BMP7: variants seen among roughly 807,000 people sequenced by gnomAD.
BMP7 encodes osteogenic protein 1.
BMP7 carries 12 observed loss-of-function variants against 41.2 expected under a neutral mutation model. The ratio of observed to expected loss-of-function variants is 0.29; its 90% CI spans 0.19 to 0.47. The LOEUF is 0.47. BMP7 is among the 20% of genes least tolerant of loss of function. The probability of loss-of-function intolerance (pLI) is 0.99; values close to 1 mark genes in which losing one functional copy is unlikely to be tolerated. For missense variants in BMP7, 467 were observed against 606.0 expected, an observed-to-expected ratio of 0.77 and a Z score of 2.41; for synonymous variants, 248 against 250.0, an observed-to-expected ratio of 0.99 and a Z score of 0.07.
intron 2 of BMP7, among the ~76,000 whole-genome samples, chr20:57,203,382 T>A (rs777046790): frequency 1.3e-4 from 20 of 151,952 alleles, no homozygotes; most frequent in Non-Finnish European, 2.4e-4. Flanking sequence ...GGTAGATGGG[T>A]AGGTGAGTGA....
chr20:57,208,247 G>A (rs181999478), intron 2 of BMP7, among the ~76,000 whole-genome samples: 58 of 152,294 alleles, frequency 3.8e-4, no homozygotes, highest in East Asian at 3.3e-3. Context: ...AAGCTAGCAC[G>A]CCACTGACTC....
chr20:57,210,115 C>T (rs1454970073), intron 2 of BMP7, among the ~76,000 whole-genome samples: 4 of 152,188 alleles, frequency 2.6e-5, no homozygotes, highest in African/African-American at 9.7e-5. Flanking sequence ...CCCCAAAAGT[C>T]GTCTTCTCTT....
intron 1 of BMP7, among the ~76,000 whole-genome samples, chr20:57,241,386 TGAGG>T (rs1186227162): frequency 6.6e-6 from 1 of 152,200 alleles, no homozygotes; most frequent in Non-Finnish European, 1.5e-5. Context: ...TGCCAGTCCT[TGAGG>T]GAGGGAGGCT....
intron 2 of BMP7, among the ~76,000 whole-genome samples, chr20:57,209,448 C>A (rs1176171894): frequency 6.6e-6 from 1 of 151,046 alleles, no homozygotes; most frequent in East Asian, 1.9e-4. Flanking sequence ...CTGTCTCAAA[C>A]AAAAAGAAAA....
At chr20:57,207,750 T>G (rs1009442683) in intron 2 of BMP7, among the ~76,000 whole-genome samples, 1 of 151,438 alleles carries the variant, frequency 6.6e-6, no homozygotes, top group Non-Finnish European at 1.5e-5. Flanking sequence ...GAAATGAAAA[T>G]TTTGATTTGC....
At chr20:57,249,431 A>G (rs116292562) in intron 1 of BMP7, among the ~76,000 whole-genome samples, 2,346 of 152,246 alleles carry the variant, frequency 0.015, 46 homozygotes, top group African/African-American at 0.054. Flanking sequence ...GAGATACTGC[A>G]TAACGAAACA....
chr20:57,211,593 G>T (rs1984885384), intron 2 of BMP7, among the ~76,000 whole-genome samples: 1 of 152,346 alleles, frequency 6.6e-6, no homozygotes, highest in African/African-American at 2.4e-5. Context: ...CAGATGTGAT[G>T]AAAGATTTTT....
At chr20:57,179,656 A>G (rs941022128) in intron 4 of BMP7, among the ~76,000 whole-genome samples, 23 of 152,246 alleles carry the variant, frequency 1.5e-4, no homozygotes, top group African/African-American at 4.8e-5. Flanking sequence ...GCAGGGCTCC[A>G]GCCCAAAACC....
rs940097507 is a variant in BMP7, at chr20:57,259,820, C to T, written c.418+5885G>A. Among the ~76,000 whole-genome samples the T allele has an allele frequency of 2.0e-5, 3 of 152,202 alleles. No individual in the cohort carries two copies. Among genetic ancestry groups the T allele is most frequent in the African/African-American group, 2.4e-5 (1 of 41,458 alleles). On this transcript the variant is annotated intron_variant, in intron 1 of 6. Coordinates refer to ENST00000395863, the MANE Select transcript of BMP7 (RefSeq NM_001719.3). This position sits in a 1 kb window ranked among gnomAD's most constrained non-coding sequence, Gnocchi z 4.7. ...AATACACAGCAGCAGTCCTAGTATTCCCTGGCATTGCTATTTCAGTTTGAG... is the reference window on the plus strand; with the variant it reads ...AATACACAGCAGCAGTCCTAGTATTTCCTGGCATTGCTATTTCAGTTTGAG...
At position 57,169,710 on chromosome 20, in the gene BMP7, G is replaced by A. The variant is rs557327761; in HGVS notation, c.*1249C>T. On this transcript the variant is annotated 3_prime_UTR_variant, in exon 7 of 7. Transcript: ENST00000395863. Reference sequence around the variant, plus strand: ...AGAGGGTCCACTGGGGCGATGTGCAGTGCTCCTGCTCACCCCACTCCCGTG... The same window carrying A: ...AGAGGGTCCACTGGGGCGATGTGCAATGCTCCTGCTCACCCCACTCCCGTG... The A allele has an allele frequency of 3.9e-5, 6 of 152,034 alleles. No individual in the cohort carries two copies. The East Asian group carries it at 9.7e-4, about 25-fold the overall frequency. The allele number at this position is 152,034 out of a possible 1,614,324, so 9.4% of individuals were successfully genotyped here.
chr20:57,194,755 A>T (rs568003357), intron 3 of BMP7, among the ~76,000 whole-genome samples: 1 of 152,352 alleles, frequency 6.6e-6, no homozygotes, highest in East Asian at 1.9e-4. Flanking sequence ...CCCCACATTT[A>T]CAAAGGAGGA....
chr20:57,212,746 C>T (rs1355217051), intron 2 of BMP7, among the ~76,000 whole-genome samples: 1 of 152,200 alleles, frequency 6.6e-6, no homozygotes, highest in South Asian at 2.1e-4. Context: ...CAGCAGCAAC[C>T]CCAGCCTGCA....
At chr20:57,202,386 G>T in intron 3 of BMP7, 89 bp downstream of exon 3, 1 of 1,528,392 alleles carries the variant, frequency 6.5e-7, no homozygotes, top group Non-Finnish European at 8.8e-7. Flanking sequence ...AAGCCTGTTT[G>T]TAGTGAAGCA....
At chr20:57,239,982 C>G (rs1196236929) in intron 1 of BMP7, among the ~76,000 whole-genome samples, 1 of 152,228 alleles carries the variant, frequency 6.6e-6, no homozygotes, top group African/African-American at 2.4e-5. Flanking sequence ...AGGTCTCTGA[C>G]ATGGCCTGGA....
chr20:57,205,533 C>T (rs1274910353), intron 2 of BMP7, among the ~76,000 whole-genome samples: 2 of 152,164 alleles, frequency 1.3e-5, no homozygotes, highest in Non-Finnish European at 2.9e-5. Flanking sequence ...CACTCCAAGT[C>T]GAAACAACTT....
At chr20:57,190,353 A>G (rs113592399) in intron 3 of BMP7, among the ~76,000 whole-genome samples, 2 of 142,276 alleles carry the variant, frequency 1.4e-5, no homozygotes, top group African/African-American at 5.7e-5. Flanking sequence ...TGAGCGAGGA[A>G]CCAGAGGGGG....
intron 4 of BMP7, among the ~76,000 whole-genome samples, chr20:57,179,451 C>T (rs1265228221): frequency 6.6e-6 from 1 of 152,230 alleles, no homozygotes; most frequent in Non-Finnish European, 1.5e-5. Flanking sequence ...TGGGTCCAAA[C>T]GTGGGTGGGG....
At chr20:57,180,827 G>C (rs1182194340) in intron 4 of BMP7, among the ~76,000 whole-genome samples, 1 of 152,168 alleles carries the variant, frequency 6.6e-6, no homozygotes, top group Non-Finnish European at 1.5e-5. Context: ...ACACCCGCCA[G>C]GGGTCAGGAA....
intron 2 of BMP7, chr20:57,225,954 G>A (rs1001622596): frequency 9.1e-5 from 43 of 471,080 alleles, no homozygotes; most frequent in African/African-American, 8.4e-4. Context: ...CATGCAGCAG[G>A]TACCTGTGCT....
Sources: allele counts gnomAD v4.1 joint callset (sites outside exome capture counted in the v4.1 genomes callset), GRCh38; gene constraint gnomAD v4.1.1; non-coding constraint Gnocchi (gnomAD v3.1); transcripts MANE v1.5; gene names NCBI Gene and HGNC (gene_info 2026-07-23, HGNC 2026-07-21).